The following NDST3 variants were observed in gnomAD, a reference collection of about 807,000 sequenced individuals.
The protein encoded by NDST3 is N-deacetylase and N-sulfotransferase 3.
Under a neutral mutation model 96.1 loss-of-function variants are expected in NDST3, and 58 were observed. The ratio of observed to expected loss-of-function variants is 0.60; its 90% CI spans 0.49 to 0.75. The LOEUF (loss-of-function observed/expected upper bound fraction) is 0.75. Ranked by LOEUF, NDST3 falls within the 30% of genes least tolerant of loss-of-function variation. NDST3 has a pLI of 0.00. For synonymous variants in NDST3, 333 were observed against 359.7 expected (o/e 0.93, Z 0.84); for missense variants, 788 against 1,034.2 (o/e 0.76, Z 3.27).
intron 1 of NDST3, among the ~76,000 whole-genome samples, chr4:118,049,393 T>C (rs540732853): frequency 1.3e-5 from 2 of 151,644 alleles, no homozygotes; most frequent in African/African-American, 2.4e-5. Flanking sequence ...TTAAATGAAA[T>C]TGAGATGCCA....
At chr4:118,190,853 A>T (rs1302913185) in intron 6 of NDST3, among the ~76,000 whole-genome samples, 1 of 152,214 alleles carries the variant, frequency 6.6e-6, no homozygotes, top group African/African-American at 2.4e-5. Context: ...ATCAAATTAT[A>T]TTCAATTGTA....
At chr4:118,061,097 C>A (rs184428589) in intron 2 of NDST3, among the ~76,000 whole-genome samples, 8 of 152,272 alleles carry the variant, frequency 5.3e-5, no homozygotes, top group Admixed American at 3.9e-4. Context: ...AACCCTCCAG[C>A]AACTTCCAGT....
At chr4:118,225,468 A>G (rs1739812986) in intron 7 of NDST3, among the ~76,000 whole-genome samples, 2 of 152,192 alleles carry the variant, frequency 1.3e-5, no homozygotes, top group South Asian at 4.1e-4. Context: ...TATGATTTGC[A>G]TTTTACAGAT....
At chr4:118,160,862 T>G (rs994985831) in intron 6 of NDST3, among the ~76,000 whole-genome samples, 1 of 152,132 alleles carries the variant, frequency 6.6e-6, no homozygotes, top group Non-Finnish European at 1.5e-5. Flanking sequence ...AGCCTTCTTC[T>G]CTCAACTCGT....
Position 118,169,663 on chromosome 4 carries a change from TGGTGCC to T in NDST3, c.1539+25980_1539+25985del, listed in dbSNP as rs773048580. On this transcript the variant is annotated intron_variant, in intron 6 of 13. Transcript: ENST00000296499. ...AAAAGAATTAGCCTGGCATGGTGGC[TGGTGCC>T]TGTAATCCCAGCTACTCAGGAGGCT... is the stretch of plus-strand genomic sequence containing the variant. Among the ~76,000 whole-genome samples the T allele has an allele frequency of 2.2e-4, 33 of 152,054 alleles. 1 individual carries two copies. The highest frequency in any genetic ancestry group is 4.7e-4 in the Non-Finnish European group (32 of 67,980).
At chr4:118,036,590 T>C (rs1266431750) in intron 1 of NDST3, among the ~76,000 whole-genome samples, 1 of 152,138 alleles carries the variant, frequency 6.6e-6, no homozygotes, top group East Asian at 1.9e-4. Context: ...ATAAAGATAA[T>C]TAGTCTGAAC....
At chr4:118,095,084 T>A (rs1262435588) in intron 2 of NDST3, among the ~76,000 whole-genome samples, 1 of 151,410 alleles carries the variant, frequency 6.6e-6, no homozygotes, top group African/African-American at 2.4e-5. Flanking sequence ...GGTGAAATTT[T>A]AAAAAAAAGA....
chr4:118,252,218 A>G (rs1368881241), intron 12 of NDST3, among the ~76,000 whole-genome samples: 1 of 152,238 alleles, frequency 6.6e-6, no homozygotes, highest in East Asian at 1.9e-4. Context: ...ATATCTGAGC[A>G]TACAAATTAG....
rs1162909964 is a variant in NDST3 at position 118,086,136 on chromosome 4, T to C, written c.982-18882T>C. 3.3e-5 allele frequency among the ~76,000 whole-genome samples: 5 copies of C among 152,312 alleles called. No homozygotes were observed. The East Asian group carries it at 9.6e-4, about 29-fold the overall frequency. On this transcript the variant is annotated intron_variant, in intron 2 of 13. Coordinates refer to ENST00000296499, the MANE Select transcript of NDST3 (RefSeq NM_004784.3). ...GAAAATTAGGTGACTTTCTCATAGC[T>C]TTTTCAAACCCATAAATCTTCTGTC...
chr4:118,223,678 A>C (rs991171983), intron 6 of NDST3, among the ~76,000 whole-genome samples: 1 of 152,088 alleles, frequency 6.6e-6, no homozygotes, highest in Admixed American at 6.6e-5. Flanking sequence ...ATTTTCTTGA[A>C]TATTTCTTTC....
chr4:118,062,187 A>G (rs937947256), intron 2 of NDST3, among the ~76,000 whole-genome samples: 7 of 152,202 alleles, frequency 4.6e-5, no homozygotes, highest in Admixed American at 3.9e-4. Context: ...ACTTCCTTCA[A>G]TGAGAATCTA....
At chr4:118,110,589 T>C (rs1209201244) in intron 3 of NDST3, among the ~76,000 whole-genome samples, 4 of 152,192 alleles carry the variant, frequency 2.6e-5, no homozygotes, top group South Asian at 2.1e-4. Flanking sequence ...ATTTTAAATA[T>C]AATATCAGAA....
chr4:118,246,253 G>A (rs1294446294), intron 12 of NDST3, among the ~76,000 whole-genome samples: 1 of 152,122 alleles, frequency 6.6e-6, no homozygotes, highest in East Asian at 1.9e-4. Context: ...CCAATTTACT[G>A]TATTAGTCCA....
intron 1 of NDST3, among the ~76,000 whole-genome samples, chr4:118,047,744 G>A (rs569620393): frequency 1.3e-5 from 2 of 152,082 alleles, no homozygotes; most frequent in Non-Finnish European, 2.9e-5. Flanking sequence ...GAGAAATATG[G>A]GTTATGTAAA....
At chr4:118,125,920 G>C (rs1048360126) in intron 4 of NDST3, among the ~76,000 whole-genome samples, 2 of 151,888 alleles carry the variant, frequency 1.3e-5, no homozygotes, top group Non-Finnish European at 2.9e-5. Context: ...TTTTGTTGTA[G>C]GCTAAGAAGA....
intron 2 of NDST3, among the ~76,000 whole-genome samples, chr4:118,081,065 A>G (rs1377916220): frequency 6.6e-6 from 1 of 152,232 alleles, no homozygotes; most frequent in Non-Finnish European, 1.5e-5. Context: ...CAATTTACTT[A>G]CGCATGTGAA....
intron 6 of NDST3, among the ~76,000 whole-genome samples, chr4:118,175,091 C>G (rs956869956): frequency 6.6e-6 from 1 of 152,130 alleles, no homozygotes; most frequent in African/African-American, 2.4e-5. Flanking sequence ...TCAGACTTGA[C>G]TATAACCCTC....
At chr4:118,093,715 T>C (rs1729069445) in intron 2 of NDST3, among the ~76,000 whole-genome samples, 1 of 151,906 alleles carries the variant, frequency 6.6e-6, no homozygotes, top group East Asian at 1.9e-4. Flanking sequence ...CCTATATGTA[T>C]GTAAAATAAA....
Position 118,143,571 on chromosome 4 carries a change from A to C in NDST3, c.1426A>C (p.Thr476Pro). 4.4e-6 allele frequency: 7 copies of C among 1,606,436 alleles called. No individual in the cohort carries two copies. Among genetic ancestry groups the C allele is most frequent in the Non-Finnish European group, 5.9e-6 (7 of 1,177,796 alleles). The change falls in exon 6 of 14, where the codon ACC becomes CCC. Residue 476 changes from threonine to proline, a missense_variant. Physicochemically the swap from Thr to Pro is conservative, Grantham distance 38 (BLOSUM62 -1). Around this residue, in one of 3 missense-constraint regions of NDST3, gnomAD observed 490 missense variants for 708.8 expected, o/e 0.69. Coordinates refer to ENST00000296499, the MANE Select transcript of NDST3 (RefSeq NM_004784.3). ...TTTCCTTCAGGTTCTCCCAAGACAA[A>C]CCTGTGGGCTTTTCACTCACACCAT... ...HKNIMVLPRQ[T>P]CGLFTHTIFY... is the part of the protein sequence containing the mutation.
Sources: allele counts gnomAD v4.1 joint callset (sites outside exome capture counted in the v4.1 genomes callset), GRCh38; gene constraint gnomAD v4.1.1; regional missense constraint gnomAD v4.1.1; transcripts MANE v1.5; gene names NCBI Gene and HGNC (gene_info 2026-07-23, HGNC 2026-07-21).